The following PTCH1 variants were observed in gnomAD, a reference collection of about 807,000 sequenced individuals.
PTCH1 encodes the protein protein patched homolog 1.
Under a neutral mutation model 144.6 loss-of-function variants are expected in PTCH1, and 14 were observed. That is an observed-to-expected ratio of 0.10 (90% CI 0.06 to 0.15). The LOEUF (loss-of-function observed/expected upper bound fraction) is 0.15. Ranked by LOEUF, PTCH1 falls within the 10% of genes least tolerant of loss-of-function variation. The pLI, the probability that PTCH1 is intolerant of heterozygous loss-of-function variation, is 1.00. For missense variants in PTCH1, 1,623 were observed against 1,948.3 expected, an observed-to-expected ratio of 0.83 and a Z score of 3.14; for synonymous variants, 833 against 793.6, an observed-to-expected ratio of 1.05 and a Z score of -0.83.
At chr9:95,504,042 A>G (rs1299045802) in intron 2 of PTCH1, among the ~76,000 whole-genome samples, 2 of 54,810 alleles carry the variant, frequency 3.6e-5, no homozygotes, top group Non-Finnish European at 3.5e-5. Flanking sequence ...AAAAAAAAAA[A>G]AAAAAAAAAA....
At chr9:95,475,834 G>A (rs1840985963) in intron 12 of PTCH1, among the ~76,000 whole-genome samples, 200 bp downstream of exon 12, 1 of 152,222 alleles carries the variant, frequency 6.6e-6, no homozygotes, top group Non-Finnish European at 1.5e-5. Context: ...AAAAACTCCA[G>A]AAGGGCTTAG....
chr9:95,514,647 T>TGTGTGTGTGTGTGAGAGA (rs56689083), intron 1 of PTCH1: 181 of 148,906 alleles, frequency 1.2e-3, no homozygotes, highest in African/African-American at 4.3e-3. Flanking sequence ...TGTGTGTGTG[T>TGTGTGTGTGTGTGAGAGA]GAGAGAGAGA....
chr9:95,460,114 G>C (rs1256578676), intron 16 of PTCH1, among the ~76,000 whole-genome samples: 3 of 152,200 alleles, frequency 2.0e-5, no homozygotes, highest in Non-Finnish European at 4.4e-5. Context: ...AGGAGGGGAA[G>C]GGGGAGAAAC....
chr9:95,446,724 T>C (rs375424308), intron 23 of PTCH1, 187 bp downstream of exon 23: 6 of 728,726 alleles, frequency 8.2e-6, no homozygotes, highest in South Asian at 1.7e-5. Context: ...GGAGCTGGAC[T>C]GGTTCCCCAA....
intron 2 of PTCH1, among the ~76,000 whole-genome samples, chr9:95,493,779 CCT>C (rs769691135): frequency 2.0e-5 from 3 of 151,730 alleles, no homozygotes; most frequent in African/African-American, 4.9e-5. Flanking sequence ...ATTAGCACTG[CCT>C]CTTTTTTATA....
At chr9:95,457,906 GC>G in intron 18 of PTCH1, 106 bp downstream of exon 18, 1 of 1,433,528 alleles carries the variant, frequency 7.0e-7, no homozygotes, top group Non-Finnish European at 9.7e-7. Context: ...GATGATGCAA[GC>G]TATACCCTCC....
chr9:95,476,280 A>G lies in PTCH1; in HGVS notation c.1603-121T>C. 1.4e-6 allele frequency: 2 copies of G among 1,453,006 alleles called. No individual in the cohort carries two copies. Among genetic ancestry groups the G allele is most frequent in the Non-Finnish European group, 9.3e-7 (1 of 1,070,930 alleles). The allele number at this position is 1,453,006 out of a possible 1,614,324, so 90.0% of individuals were successfully genotyped here. ...TGTTATTACAGCTTATCATGCTGGCATTAGGGAAACAGAGCCACCTGCCTT... is the reference window on the plus strand; with the variant it reads ...TGTTATTACAGCTTATCATGCTGGCGTTAGGGAAACAGAGCCACCTGCCTT... On this transcript the variant is annotated intron_variant, in intron 11 of 23. Coordinates refer to ENST00000331920, the MANE Select transcript of PTCH1 (RefSeq NM_000264.5). This position sits in a 1 kb window ranked among gnomAD's most constrained non-coding sequence, Gnocchi z 4.6.
At chr9:95,506,692 A>G (rs1172925519) in intron 1 of PTCH1, 93 bp from the exon 2 acceptor site, 19 of 1,084,738 alleles carry the variant, frequency 1.8e-5, no homozygotes, top group Admixed American at 4.4e-5. Flanking sequence ...TGAGCCCCCA[A>G]CAGCCGTGGG....
At chr9:95,457,457 G>A (rs868257872) in intron 18 of PTCH1, among the ~76,000 whole-genome samples, 16 of 152,208 alleles carry the variant, frequency 1.1e-4, no homozygotes, top group South Asian at 2.1e-4. Context: ...ACATTGCCAC[G>A]GTTTTATTAG....
Position 95,509,253 on chromosome 9 carries a change from G to A in PTCH1, c.-892C>T, listed in dbSNP as rs998535453. ...CATTTGGAGAAAGAAGAGGAGGAGG[G>A]GAGGGGAGGGGGTGGAGGGGGAGAG... is the stretch of plus-strand genomic sequence containing the variant. On this transcript the variant is annotated 5_prime_UTR_variant, in exon 1 of 24. Coordinates refer to ENST00000331920, the MANE Select transcript of PTCH1 (RefSeq NM_000264.5). Among the ~76,000 whole-genome samples the A allele has an allele frequency of 1.3e-5, 2 of 152,048 alleles. No homozygotes were observed. The highest frequency in any genetic ancestry group is 4.8e-5 in the African/African-American group (2 of 41,406).
rs2118872209 is a variant in PTCH1, at chr9:95,506,387, G to A, written c.394+20C>T. On this transcript the variant is annotated intron_variant, in intron 2 of 23. Transcript: ENST00000331920. The stretch of plus-strand genomic sequence containing the variant: ...GAGGGACCGGGCCGGGGGCGCGGGC[G>A]CCGCGGCGGGCGCTCTTACCTTCCA... 6.2e-7 allele frequency: 1 copy of A among 1,607,342 alleles called. No homozygotes were observed. The highest frequency in any genetic ancestry group is 8.5e-7 in the Non-Finnish European group (1 of 1,177,598).
intron 3 of PTCH1, chr9:95,482,426 C>G: frequency 1.7e-6 from 1 of 580,886 alleles, no homozygotes; most frequent in Non-Finnish European, 3.0e-6. Context: ...TAAATGAATG[C>G]TACCAAAGTA....
At position 95,447,025 on chromosome 9, in the gene PTCH1, C is replaced by CCTCAGT. The variant is rs1434554186; in HGVS notation, c.4230_4231insACTGAG (p.Glu1410_Asp1411insThrGlu). The CCTCAGT allele has an allele frequency of 5.6e-6, 9 of 1,614,094 alleles. No individual in the cohort carries two copies. The African/African-American group carries it at 1.2e-4, about 22-fold the overall frequency. ...CGGACGTGGAAAGGCACGTGGGGGT[C>CCTCAGT]CTCAAACAGGCCGTGGTCAGTCTCA... On this transcript the variant is annotated inframe_insertion, in exon 23 of 24. Coordinates refer to ENST00000331920, the MANE Select transcript of PTCH1 (RefSeq NM_000264.5).
rs2118099993 is a variant in PTCH1 at position 95,469,935 on chromosome 9, G to A, written c.1729-4C>T. On this transcript the variant is annotated splice_region_variant and splice_polypyrimidine_tract_variant and intron_variant, in intron 12 of 23. Coordinates refer to ENST00000331920, the MANE Select transcript of PTCH1 (RefSeq NM_000264.5). ...TGAACACCACTACTACCGCTGCCTG[G>A]GAGCAGAAAAAAAATTCAGAGGTCA... 6.2e-7 allele frequency: 1 copy of A among 1,611,268 alleles called. No individual in the cohort carries two copies. Among genetic ancestry groups the A allele is most frequent in the South Asian group, 1.1e-5 (1 of 91,032 alleles).
In PTCH1 at chr9:95,459,686, T is replaced by A. The variant is rs1209943415; in HGVS notation, c.2801A>T (p.Tyr934Phe). ...CCGGATGTTGGCCTGGGAGGCAGCA[T>A]ACGCGACGGGGTCGTTGCTGACCCA... The part of the protein sequence containing the change: ...TAWVSNDPVA[Y>F]AASQANIRPH... The change falls in exon 17 of 24, where the codon TAT (tyrosine) becomes TTT (phenylalanine). Residue 934 changes from tyrosine (Y) to phenylalanine (F), a missense_variant. By Grantham distance (22) the Tyr-to-Phe change is conservative (BLOSUM62 3). Coordinates refer to ENST00000331920, the MANE Select transcript of PTCH1 (RefSeq NM_000264.5). 2 of 1,614,224 alleles carry A rather than the reference T, an allele frequency of 1.2e-6. No individual in the cohort carries two copies. The highest frequency in any genetic ancestry group is 1.3e-5 in the African/African-American group (1 of 75,056).
rs2136650471 is a variant in PTCH1 at position 95,456,411 on chromosome 9, C to A, written c.3171G>T (p.Val1057=). ...CGACCGTCATCAGCGCCAGGACCAT[C>A]ACCTGGAGCAGGGCACACAGTGGTC... ...LLNPWTAGII[V]MVLALMTVEL... The change falls in exon 19 of 24, where the codon GTG becomes GTT. Residue 1057 remains valine (V), a splice_region_variant and synonymous_variant. Coordinates refer to ENST00000331920, the MANE Select transcript of PTCH1 (RefSeq NM_000264.5). 1 of 1,613,838 alleles carries A rather than the reference C, an allele frequency of 6.2e-7. No homozygotes were observed. Among genetic ancestry groups the A allele is most frequent in the Non-Finnish European group, 8.5e-7 (1 of 1,180,000 alleles).
chr9:95,508,828 C>T lies in PTCH1; in HGVS notation c.-467G>A. 1.0e-6 allele frequency: 1 copy of T among 984,194 alleles called. No homozygotes were observed. The highest frequency in any genetic ancestry group is 4.7e-5 in the South Asian group (1 of 21,256). The allele number at this position is 984,194 out of a possible 1,614,324, so 61.0% of individuals were successfully genotyped here. On this transcript the variant is annotated 5_prime_UTR_variant, in exon 1 of 24. Coordinates refer to ENST00000331920, the MANE Select transcript of PTCH1 (RefSeq NM_000264.5). ...GCTGCTCCCGCCGGCCGCGCTGGCT[C>T]TCTCGGCGCCTCCCGGGTCGCCCGA...
chr9:95,480,758 CTT>C (rs1841475911), intron 5 of PTCH1, among the ~76,000 whole-genome samples, 170 bp from the exon 6 acceptor site: 1 of 152,154 alleles, frequency 6.6e-6, no homozygotes, highest in Non-Finnish European at 1.5e-5. Context: ...TGCATAAAAA[CTT>C]AGGTCAGGAA....
chr9:95,457,248 G>A (rs1474523102), intron 18 of PTCH1, among the ~76,000 whole-genome samples: 1 of 150,768 alleles, frequency 6.6e-6, no homozygotes, highest in East Asian at 1.9e-4. Flanking sequence ...GGGGTGGGTG[G>A]TGGGCAGAGG....
Sources: gnomAD v4.1 joint callset for allele counts (sites outside exome capture counted in the v4.1 genomes callset) on GRCh38, gnomAD v4.1.1 for gene constraint, Gnocchi (gnomAD v3.1) non-coding constraint, MANE v1.5 for transcripts, NCBI Gene and HGNC (gene_info 2026-07-23, HGNC 2026-07-21) for gene names.